DMRT1: variants seen among roughly 807,000 people sequenced by gnomAD.
DMRT1 encodes the protein doublesex- and mab-3-related transcription factor 1.
In DMRT1, 7 loss-of-function variants were observed where a neutral mutation model predicts 32.3. The ratio of observed to expected loss-of-function variants is 0.22; its 90% CI spans 0.12 to 0.41. DMRT1 has a LOEUF of 0.41. Ranked by LOEUF, DMRT1 falls within the 10% of genes least tolerant of loss-of-function variation. The pLI is 1.00. For missense variants in DMRT1, 625 were observed against 500.5 expected (o/e 1.25, Z -2.37); for synonymous variants, 278 against 206.1 (o/e 1.35, Z -2.99).
At chr9:899,002 AT>A (rs967496308) in intron 3 of DMRT1, among the ~76,000 whole-genome samples, 1 of 151,888 alleles carries the variant, frequency 6.6e-6, no homozygotes, top group Non-Finnish European at 1.5e-5. Context: ...GATTACATGT[AT>A]TTTTTTAACT....
In DMRT1 at chr9:913,071, T is replaced by A. The variant is rs1016623428; in HGVS notation, c.823-3692T>A. Reference sequence around the variant, plus strand: ...TTACAATAAAAAGTTTGCTGACACCTGCTATAGACTCATGATCAACATTTT... The same window carrying A: ...TTACAATAAAAAGTTTGCTGACACCAGCTATAGACTCATGATCAACATTTT... On this transcript the variant is annotated intron_variant, in intron 3 of 4. Transcript: ENST00000382276. Among the ~76,000 whole-genome samples, 5 of 152,346 alleles carry A rather than the reference T, an allele frequency of 3.3e-5. No individual in the cohort carries two copies. In the East Asian group the frequency reaches 9.6e-4, roughly 29 times the overall value.
At chr9:901,049 C>G (rs1456722381) in intron 3 of DMRT1, among the ~76,000 whole-genome samples, 2 of 151,656 alleles carry the variant, frequency 1.3e-5, no homozygotes, top group African/African-American at 4.9e-5. Context: ...GGATCTTGCT[C>G]TCTCACCCAG....
intron 2 of DMRT1, among the ~76,000 whole-genome samples, chr9:875,049 A>G (rs1328824296): frequency 6.6e-6 from 1 of 151,794 alleles, no homozygotes; most frequent in African/African-American, 2.4e-5. Context: ...TGACCTTGTG[A>G]TCCACCCACC....
chr9:900,668 G>A (rs1817538436), intron 3 of DMRT1, among the ~76,000 whole-genome samples: 1 of 151,586 alleles, frequency 6.6e-6, no homozygotes, highest in African/African-American at 2.4e-5. Flanking sequence ...GAAGACAGCA[G>A]AATGCAAAAT....
intron 3 of DMRT1, among the ~76,000 whole-genome samples, chr9:913,249 G>T (rs1818050981): frequency 6.6e-6 from 1 of 152,174 alleles, no homozygotes; most frequent in Admixed American, 6.5e-5. Flanking sequence ...TGAAGATATT[G>T]TCAAACCTGA....
intron 4 of DMRT1, among the ~76,000 whole-genome samples, chr9:950,669 A>G (rs1398225529): frequency 6.6e-6 from 1 of 152,150 alleles, no homozygotes; most frequent in Non-Finnish European, 1.5e-5. Flanking sequence ...CCAAGTCAGC[A>G]TTTACCAGCT....
At chr9:919,574 C>T (rs1818290837) in intron 4 of DMRT1, among the ~76,000 whole-genome samples, 1 of 152,124 alleles carries the variant, frequency 6.6e-6, no homozygotes, top group Admixed American at 6.5e-5. Flanking sequence ...TCAGATCTTG[C>T]AGGTCTTTGT....
chr9:844,465 G>A (rs1838815716), intron 1 of DMRT1, among the ~76,000 whole-genome samples: 1 of 140,574 alleles, frequency 7.1e-6, no homozygotes, highest in African/African-American at 3.3e-5. Flanking sequence ...GAGGTTTGCA[G>A]GGGTTTAAAA....
At chr9:887,010 C>A (rs1047050766) in intron 2 of DMRT1, among the ~76,000 whole-genome samples, 1 of 152,190 alleles carries the variant, frequency 6.6e-6, no homozygotes, top group Non-Finnish European at 1.5e-5. Context: ...CTTTCCTGGT[C>A]TCTGGATGAC....
At chr9:931,675 G>C (rs775388964) in intron 4 of DMRT1, among the ~76,000 whole-genome samples, 2 of 152,126 alleles carry the variant, frequency 1.3e-5, no homozygotes, top group African/African-American at 2.4e-5. Context: ...TGTGGAGATA[G>C]ACACAGAGAG....
intron 4 of DMRT1, among the ~76,000 whole-genome samples, chr9:937,773 A>AT (rs945441109): frequency 2.0e-5 from 3 of 149,820 alleles, no homozygotes; most frequent in South Asian, 2.1e-4. Context: ...ATTTCCAAGT[A>AT]TTTTTTTTCC....
chr9:903,234 G>T (rs530788866), intron 3 of DMRT1, among the ~76,000 whole-genome samples: 3 of 152,180 alleles, frequency 2.0e-5, no homozygotes, highest in East Asian at 1.9e-4. Flanking sequence ...TCTCTAGCTG[G>T]CCCTGTAAGG....
intron 4 of DMRT1, among the ~76,000 whole-genome samples, chr9:918,363 G>C (rs1263426412): frequency 1.3e-5 from 2 of 152,312 alleles, no homozygotes; most frequent in East Asian, 3.9e-4. Context: ...TGAAGCACTG[G>C]CGTTCTTGAG....
Position 894,090 on chromosome 9 carries a change from T to G in DMRT1, c.717T>G (p.Ser239=), listed in dbSNP as rs780304463. The part of the protein sequence containing the change: ...PQYSMALAAD[S]ASGEVGNPLG... Reference sequence around the variant, plus strand: ...ACTCCATGGCCTTGGCTGCTGATTCTGCTTCTGGGGAGGTGGGAAATCCCC... The same window carrying G: ...ACTCCATGGCCTTGGCTGCTGATTCGGCTTCTGGGGAGGTGGGAAATCCCC... The change falls in exon 3 of 5, where the codon TCT becomes TCG. Residue 239 remains serine, a synonymous_variant. Coordinates refer to ENST00000382276, the MANE Select transcript of DMRT1 (RefSeq NM_021951.3). 3 of 1,614,156 alleles carry G rather than the reference T, an allele frequency of 1.9e-6. No individual in the cohort carries two copies. Among genetic ancestry groups the G allele is most frequent in the East Asian group, 2.2e-5 (1 of 44,894 alleles).
Position 968,347 on chromosome 9 carries a change from A to T in DMRT1, c.*208A>T. 1 of 573,184 alleles carries T rather than the reference A, an allele frequency of 1.7e-6. No individual in the cohort carries two copies. Among genetic ancestry groups the T allele is most frequent in the East Asian group, 3.1e-5 (1 of 32,530 alleles). The allele number at this position is 573,184 out of a possible 1,614,324, so 35.5% of individuals were successfully genotyped here. ...ACCATCTGCATGGTTTAAGTGCTTTACTCACGGAGTTTAAATAATAGTGTT... is the reference window on the plus strand; with the variant it reads ...ACCATCTGCATGGTTTAAGTGCTTTTCTCACGGAGTTTAAATAATAGTGTT... On this transcript the variant is annotated 3_prime_UTR_variant, in exon 5 of 5. Transcript: ENST00000382276.
At chr9:856,306 G>A (rs887057472) in intron 2 of DMRT1, among the ~76,000 whole-genome samples, 1 of 152,168 alleles carries the variant, frequency 6.6e-6, no homozygotes, top group African/African-American at 2.4e-5. Context: ...TTTGTCTCAA[G>A]TGTACAATTC....
At chr9:862,708 A>G (rs1815772906) in intron 2 of DMRT1, among the ~76,000 whole-genome samples, 2 of 152,126 alleles carry the variant, frequency 1.3e-5, no homozygotes, top group South Asian at 2.1e-4. Context: ...CGGGAAGTCT[A>G]TACTGGGGGT....
chr9:906,446 T>G (rs1817781264), intron 3 of DMRT1, among the ~76,000 whole-genome samples: 1 of 152,244 alleles, frequency 6.6e-6, no homozygotes, highest in African/African-American at 2.4e-5. Flanking sequence ...CAGCAGCTAA[T>G]CCAAGTGGCT....
intron 4 of DMRT1, among the ~76,000 whole-genome samples, chr9:945,570 C>T (rs932221938): frequency 3.3e-5 from 5 of 152,178 alleles, no homozygotes; most frequent in Admixed American, 3.3e-4. Context: ...CCTTTAAAAG[C>T]AGAGATTTAA....
Sources: allele counts gnomAD v4.1 joint callset (sites outside exome capture counted in the v4.1 genomes callset), GRCh38; gene constraint gnomAD v4.1.1; transcripts MANE v1.5; gene names NCBI Gene and HGNC (gene_info 2026-07-23, HGNC 2026-07-21).